Variants in NOB1 observed in about 807,000 individuals in gnomAD.
NOB1 encodes NIN1 (RPN12) binding protein 1 homolog, also known as RNA-binding protein NOB1.
A neutral mutation model predicts 44.8 loss-of-function variants in NOB1; 44 were observed. The ratio of observed to expected loss-of-function variants is 0.98; its 90% CI spans 0.77 to 1.26. The LOEUF is 1.26. Ranked by LOEUF, NOB1 falls within the 50% of genes most tolerant of loss-of-function variation. The pLI is 0.00. For missense variants in NOB1, 560 were observed against 544.8 expected (o/e 1.03, Z -0.28); for synonymous variants, 238 against 218.7 (o/e 1.09, Z -0.78).
Position 69,750,901 on chromosome 16 carries a change from A to C in NOB1, c.328-1271T>G, listed in dbSNP as rs866835735. ...TTGAAAATGAATTATTATTAGGTTA[A>C]AATTTTTGACTTCTAAAATCCTCTG... On this transcript the variant is annotated intron_variant, in intron 3 of 8. Transcript: ENST00000268802. 1.5e-4 allele frequency among the ~76,000 whole-genome samples: 23 copies of C among 152,310 alleles called. No individual in the cohort carries two copies. In the South Asian group the frequency reaches 4.1e-3, roughly 27 times the overall value.
In NOB1 at chr16:69,752,357, T is replaced by G; in HGVS notation, c.211A>C (p.Lys71Gln). 1.2e-6 allele frequency: 2 copies of G among 1,613,124 alleles called. No individual in the cohort carries two copies. Among genetic ancestry groups the G allele is most frequent in the Non-Finnish European group, 1.7e-6 (2 of 1,179,106 alleles). Reference protein sequence around the residue: ...EYVRLVTEFSKKTGDYPSLSA... With the variant: ...EYVRLVTEFSQKTGDYPSLSA... ...AGGCTGGGGTAGTCTCCTGTTTTCT[T>G]TGAAAACTCAGTCACTGTAAACAAC... The change falls in exon 3 of 9, where the codon AAG becomes CAG. Residue 71 changes from lysine (K) to glutamine (Q), a missense_variant. Physicochemically the swap from Lys to Gln is moderately conservative, Grantham distance 53. Transcript: ENST00000268802.
intron 2 of NOB1, among the ~76,000 whole-genome samples, 180 bp from the exon 3 acceptor site, chr16:69,752,551 C>G (rs1412554018): frequency 1.3e-5 from 2 of 152,218 alleles, no homozygotes; most frequent in African/African-American, 4.8e-5. Context: ...TGACCTTTTC[C>G]TACTCGCAGT....
At position 69,754,579 on chromosome 16, in the gene NOB1, G is replaced by A. The variant is rs1298708675; in HGVS notation, c.196+15C>T. 6.2e-7 allele frequency: 1 copy of A among 1,613,746 alleles called. No individual in the cohort carries two copies. The highest frequency in any genetic ancestry group is 1.1e-5 in the South Asian group (1 of 91,066). ...GACCCCAGCTTCCCGTCAACGCTAG[G>A]GCAGAGGCACTCACCCAGCCGCACG... is the stretch of plus-strand genomic sequence containing the variant. On this transcript the variant is annotated intron_variant, in intron 2 of 8. Coordinates refer to ENST00000268802, the MANE Select transcript of NOB1 (RefSeq NM_014062.3).
intron 7 of NOB1, 22 bp from the exon 8 acceptor site, chr16:69,745,039 G>A: frequency 1.2e-6 from 2 of 1,613,534 alleles, no homozygotes; most frequent in Non-Finnish European, 1.7e-6. Context: ...AAAAGGAGAT[G>A]ATCTGTACCA....
At chr16:69,746,285 T>C (rs542091069) in intron 7 of NOB1, among the ~76,000 whole-genome samples, 1 of 152,362 alleles carries the variant, frequency 6.6e-6, no homozygotes, top group South Asian at 2.1e-4. Context: ...CCAGATGATC[T>C]ACGTGATGCC....
chr16:69,749,485 T>C, intron 4 of NOB1, 74 bp downstream of exon 4: 1 of 1,544,144 alleles, frequency 6.5e-7, no homozygotes, highest in Non-Finnish European at 8.9e-7. Context: ...TAGTTCACTG[T>C]GAAGAGATGA....
In NOB1 at chr16:69,748,224, C is replaced by G. The variant is rs1162041388; in HGVS notation, c.824+8G>C. ...GAGGGCACCAGGGCCAGGGCACCAG[C>G]TACATACTTGAAACAGCCATGGCAG... On this transcript the variant is annotated splice_region_variant and intron_variant, in intron 7 of 8. Transcript: ENST00000268802. The G allele has an allele frequency of 1.9e-6, 3 of 1,609,458 alleles. No homozygotes were observed. The highest frequency in any genetic ancestry group is 1.1e-5 in the South Asian group (1 of 90,950).
chr16:69,747,784 G>A (rs1462274895), intron 7 of NOB1, among the ~76,000 whole-genome samples: 3 of 152,104 alleles, frequency 2.0e-5, no homozygotes, highest in East Asian at 1.9e-4. Context: ...AGGTGGAGAC[G>A]GAACCCAGGC....
At position 69,748,291 on chromosome 16, in the gene NOB1, C is replaced by T. The variant is rs2038450458; in HGVS notation, c.765G>A (p.Val255=). The change falls in exon 7 of 9, where the codon GTG becomes GTA. Residue 255 remains valine (V), a synonymous_variant. Transcript: ENST00000268802. ...LLQMGLHVLA[V]NGMLIREARS... is the part of the protein sequence containing the mutation. ...GGGCCTCACGAATCAGCATGCCGTT[C>T]ACCGCCAGCACGTGCAGCCCCATCT... The T allele has an allele frequency of 1.2e-6, 2 of 1,614,082 alleles. No homozygotes were observed. Among genetic ancestry groups the T allele is most frequent in the African/African-American group, 1.3e-5 (1 of 75,066 alleles).
At chr16:69,752,169 A>C (rs2038488048) in intron 3 of NOB1, 72 bp downstream of exon 3, 1 of 1,449,248 alleles carries the variant, frequency 6.9e-7, no homozygotes, top group East Asian at 2.3e-5. Flanking sequence ...CCATTACACT[A>C]GTCCTTCTAC....
rs2038450967 is a variant in NOB1 at position 69,748,323 on chromosome 16, G to C, written c.733C>G (p.Leu245Val). The change falls in exon 7 of 9, where the codon CTG becomes GTG. Residue 245 changes from leucine to valine, a missense_variant. Physicochemically the swap from Leu to Val is conservative, Grantham distance 32. Transcript: ENST00000268802. ...LTTDFAMQNV[L>V]LQMGLHVLAV... ...AGCACGTGCAGCCCCATCTGCAGCA[G>C]AACATTCTACAACCACAAGTTAAAG... 3 of 1,613,236 alleles carry C rather than the reference G, an allele frequency of 1.9e-6. No individual in the cohort carries two copies. The highest frequency in any genetic ancestry group is 1.7e-5 in the Admixed American group (1 of 59,938).
chr16:69,743,223 CAATA>C (rs1345178453), intron 8 of NOB1, among the ~76,000 whole-genome samples: 2 of 152,168 alleles, frequency 1.3e-5, no homozygotes, highest in Non-Finnish European at 2.9e-5. Flanking sequence ...TCATAGAAAT[CAATA>C]AATGAGACTA....
In NOB1 at chr16:69,752,288, C is replaced by A. The variant is rs2038489219; in HGVS notation, c.280G>T (p.Glu94Ter). The A allele has an allele frequency of 2.5e-6, 4 of 1,613,406 alleles. No homozygotes were observed. Among genetic ancestry groups the A allele is most frequent in the Admixed American group, 3.3e-5 (2 of 59,994 alleles). ...IQVLALTYQL[E>*]AEFVGVSHLK... Reference sequence around the variant, plus strand: ...TGAGACACCCCAACAAACTCTGCTTCCAACTGGTATGTGAGTGCAAGCACT... The same window carrying A: ...TGAGACACCCCAACAAACTCTGCTTACAACTGGTATGTGAGTGCAAGCACT... The change falls in exon 3 of 9, where the codon GAA (glutamate) becomes TAA (stop). Residue 94 changes from glutamate to a stop codon, truncating the protein, a stop_gained. Coordinates refer to ENST00000268802, the MANE Select transcript of NOB1 (RefSeq NM_014062.3). LOFTEE classifies it high-confidence loss of function.
intron 6 of NOB1, chr16:69,748,705 A>C (rs1297564555): frequency 3.7e-6 from 2 of 544,990 alleles, no homozygotes; most frequent in Non-Finnish European, 6.4e-6. Context: ...ATAAATAGTA[A>C]ACGTTAAACA....
intron 4 of NOB1, 105 bp downstream of exon 4, chr16:69,749,454 T>C (rs778351794): frequency 3.3e-5 from 51 of 1,528,822 alleles, no homozygotes; most frequent in Non-Finnish European, 4.5e-6. Context: ...GGACAAACTA[T>C]GTTATTGGTC....
intron 8 of NOB1, among the ~76,000 whole-genome samples, chr16:69,743,658 G>C (rs2038403935): frequency 6.6e-6 from 1 of 151,948 alleles, no homozygotes; most frequent in South Asian, 2.1e-4. Flanking sequence ...CTCTTCAAAA[G>C]TGTCAAGGTC....
intron 2 of NOB1, among the ~76,000 whole-genome samples, chr16:69,753,274 G>C (rs894810168): frequency 6.6e-6 from 1 of 152,160 alleles, no homozygotes; most frequent in Non-Finnish European, 1.5e-5. Flanking sequence ...GATTCAGTAT[G>C]CTCAACTTGT....
intron 4 of NOB1, 99 bp downstream of exon 4, chr16:69,749,460 T>C: frequency 6.5e-7 from 1 of 1,533,350 alleles, no homozygotes; most frequent in South Asian, 1.1e-5. Context: ...ACTATGTTAT[T>C]GGTCCGCGTA....
At chr16:69,752,866 C>T (rs1308522432) in intron 2 of NOB1, among the ~76,000 whole-genome samples, 2 of 151,902 alleles carry the variant, frequency 1.3e-5, no homozygotes, top group Non-Finnish European at 2.9e-5. Context: ...ACCTGGGAGG[C>T]GGAGGTTGCA....
Sources: allele counts gnomAD v4.1 joint callset (sites outside exome capture counted in the v4.1 genomes callset), GRCh38; gene constraint gnomAD v4.1.1; transcripts MANE v1.5; gene names NCBI Gene and HGNC (gene_info 2026-07-23, HGNC 2026-07-21).